Variants in HNRNPF observed in about 807,000 individuals in gnomAD.
The protein encoded by HNRNPF is heterogeneous nuclear ribonucleoprotein F, also known as HnRNP F protein.
In HNRNPF, 2 loss-of-function variants were observed where a neutral mutation model predicts 26.0. That is an observed-to-expected ratio of 0.08 (90% confidence interval 0.03 to 0.24). The LOEUF is 0.24. Ranked by LOEUF, HNRNPF falls within the 10% of genes least tolerant of loss-of-function variation. The pLI, the probability that HNRNPF is intolerant of heterozygous loss-of-function variation, is 1.00. For missense variants in HNRNPF, 299 were observed against 539.2 expected (o/e 0.55, Z 4.41); for synonymous variants, 234 against 211.5 (o/e 1.11, Z -0.92).
chr10:43,389,253 T>A (rs1838151038), intron 3 of HNRNPF, among the ~76,000 whole-genome samples: 1 of 152,196 alleles, frequency 6.6e-6, no homozygotes, highest in Non-Finnish European at 1.5e-5. Context: ...ATTACTGGCG[T>A]GAGCCACCAT....
In HNRNPF at chr10:43,387,632, C is replaced by G; in HGVS notation, c.253G>C (p.Val85Leu). The change falls in exon 4 of 4, where the codon GTG becomes CTG. Residue 85 changes from valine to leucine, a missense_variant. Coordinates refer to ENST00000682386, the MANE Select transcript of HNRNPF (RefSeq NM_001098204.2). The surrounding 1 kb of genome is among the most constrained non-coding windows in gnomAD (Gnocchi z 6.0). Reference protein sequence around the residue: ...RESMGHRYIEVFKSHRTEMDW... With the variant: ...RESMGHRYIELFKSHRTEMDW... ...ATCTCGGTTCTGTGGGACTTGAACA[C>G]CTCAATGTACCGGTGTCCCATGCTT... is the stretch of plus-strand genomic sequence containing the variant. The G allele has an allele frequency of 6.2e-7, 1 of 1,614,180 alleles. No individual in the cohort carries two copies. Among genetic ancestry groups the G allele is most frequent in the African/African-American group, 1.3e-5 (1 of 75,040 alleles).
At chr10:43,390,647 T>C (rs1021292116) in intron 3 of HNRNPF, among the ~76,000 whole-genome samples, 2 of 152,160 alleles carry the variant, frequency 1.3e-5, no homozygotes, top group Non-Finnish European at 2.9e-5. Context: ...TCACAATACA[T>C]GGAATTCATT....
chr10:43,402,252 TG>T (rs1261817316), intron 1 of HNRNPF, among the ~76,000 whole-genome samples: 1 of 152,218 alleles, frequency 6.6e-6, no homozygotes, highest in Non-Finnish European at 1.5e-5. Context: ...ATAAGAGATT[TG>T]GAGGACATAC....
Position 43,386,753 on chromosome 10 carries a change from G to C in HNRNPF, c.1132C>G (p.Gln378Glu). The change falls in exon 4 of 4, where the codon CAA becomes GAA. Residue 378 changes from glutamine (Q) to glutamate (E), a missense_variant. Gln to Glu is a conservative substitution (Grantham distance 29, BLOSUM62 2). This residue lies in a region of HNRNPF where 53 missense variants were observed against 72.4 expected (regional missense o/e 0.73). Coordinates refer to ENST00000682386, the MANE Select transcript of HNRNPF (RefSeq NM_001098204.2). ...SNGAYSSQVM[Q>E]GMGVSAAQAT... ...TGGGCAGCAGACACCCCCATGCCTT[G>C]CATCACCTGGCTGCTATACGCCCCA... 6.2e-7 allele frequency: 1 copy of C among 1,614,164 alleles called. No homozygotes were observed. The highest frequency in any genetic ancestry group is 8.5e-7 in the Non-Finnish European group (1 of 1,180,026).
In HNRNPF at chr10:43,387,301, G is replaced by A; in HGVS notation, c.584C>T (p.Ser195Leu). 1.2e-6 allele frequency: 2 copies of A among 1,614,224 alleles called. No individual in the cohort carries two copies. Among genetic ancestry groups the A allele is most frequent in the Admixed American group, 1.7e-5 (1 of 60,032 alleles). Reference protein sequence around the residue: ...KSSQEEVRSYSDPPLKFMSVQ... With the variant: ...KSSQEEVRSYLDPPLKFMSVQ... ...GGACATGAACTTCAGAGGGGGATCT[G>A]AGTATGACCTAACTTCCTCCTGGCT... Residue 195 changes from serine to leucine, a missense_variant, in exon 4 of 4, where the codon TCA becomes TTA. Physicochemically the swap from Ser to Leu is moderately radical, Grantham distance 145. Around this residue, in one of 6 missense-constraint regions of HNRNPF, gnomAD observed 17 missense variants for 16.1 expected, o/e 1.05. Transcript: ENST00000682386. This position sits in a 1 kb window ranked among gnomAD's most constrained non-coding sequence, Gnocchi z 6.0.
At chr10:43,403,113 C>T (rs915910794) in intron 1 of HNRNPF, among the ~76,000 whole-genome samples, 1 of 152,158 alleles carries the variant, frequency 6.6e-6, no homozygotes, top group African/African-American at 2.4e-5. Flanking sequence ...ACTGCAACCT[C>T]CACCTCCTGA....
chr10:43,402,421 T>C (rs1838781592), intron 1 of HNRNPF, among the ~76,000 whole-genome samples: 1 of 152,224 alleles, frequency 6.6e-6, no homozygotes, highest in African/African-American at 2.4e-5. Flanking sequence ...CATCTGTGTC[T>C]TTTTCTCCTT....
At chr10:43,391,685 C>T (rs868120969) in intron 3 of HNRNPF, among the ~76,000 whole-genome samples, 9 of 152,236 alleles carry the variant, frequency 5.9e-5, no homozygotes, top group Middle Eastern at 3.4e-3. Context: ...TTTGTAAGCA[C>T]GTAGTGGGCC....
chr10:43,397,403 GGA>G (rs1838587934), intron 1 of HNRNPF: 3 of 152,386 alleles, frequency 2.0e-5, no homozygotes, highest in Admixed American at 2.0e-4. Flanking sequence ...AGTGGGGGAA[GGA>G]GAGAGTCAGG....
chr10:43,407,391 G>C (rs1238475168), intron 1 of HNRNPF, among the ~76,000 whole-genome samples: 3 of 152,230 alleles, frequency 2.0e-5, no homozygotes, highest in African/African-American at 2.4e-5. Flanking sequence ...GGCCGAGCTC[G>C]GCTCTCCTTC....
chr10:43,401,312 A>G (rs1838747756), intron 1 of HNRNPF, among the ~76,000 whole-genome samples: 1 of 152,244 alleles, frequency 6.6e-6, no homozygotes, highest in African/African-American at 2.4e-5. Context: ...AAGCTGTGTT[A>G]CTAAAAAGCA....
chr10:43,386,839 C>T lies in HNRNPF; in HGVS notation c.1046G>A (p.Arg349Lys). ...EEAVAAMSKD[R>K]ANMQHRYIEL... The stretch of plus-strand genomic sequence containing the variant: ...TATATATCTGTGCTGCATATTGGCC[C>T]TGTCTTTGGACATAGCTGCCACAGC... The change falls in exon 4 of 4, where the codon AGG becomes AAG. Residue 349 changes from arginine to lysine, a missense_variant. Arg to Lys is a conservative substitution (Grantham distance 26). This residue lies in a region of HNRNPF where 36 missense variants were observed against 93.8 expected (regional missense o/e 0.38). Coordinates refer to ENST00000682386, the MANE Select transcript of HNRNPF (RefSeq NM_001098204.2). 6.2e-7 allele frequency: 1 copy of T among 1,614,218 alleles called. No homozygotes were observed. Among genetic ancestry groups the T allele is most frequent in the Non-Finnish European group, 8.5e-7 (1 of 1,180,046 alleles).
chr10:43,396,729 G>C (rs1400423576), intron 1 of HNRNPF, 139 bp from the exon 2 acceptor site: 2 of 152,088 alleles, frequency 1.3e-5, no homozygotes, highest in Non-Finnish European at 2.9e-5. Context: ...CCTGCTCACG[G>C]CACTCCAGCA....
At chr10:43,402,566 C>T (rs922176943) in intron 1 of HNRNPF, among the ~76,000 whole-genome samples, 1 of 152,208 alleles carries the variant, frequency 6.6e-6, no homozygotes, top group Non-Finnish European at 1.5e-5. Context: ...TGCATGGCAG[C>T]CCTAGCATAC....
rs1215252763 is a variant in HNRNPF, at chr10:43,396,516, G to C, written c.-172C>G. ...AGGCAAGCGCGGCTGGCAGCCAAGA[G>C]CCCCGAAATTCCACCGAAGCTCAAC... On this transcript the variant is annotated 5_prime_UTR_variant, in exon 2 of 4. Transcript: ENST00000682386. 6.6e-6 allele frequency: 1 copy of C among 152,320 alleles called. No homozygotes were observed. Among genetic ancestry groups the C allele is most frequent in the African/African-American group, 2.4e-5 (1 of 41,456 alleles). The allele number at this position is 152,320 out of a possible 1,614,324, so 9.4% of individuals were successfully genotyped here. A position where few individuals can be genotyped will look rare whatever the true frequency, so the allele number is the denominator to read the frequency against.
At chr10:43,408,937 A>G (rs1011984642) in intron 1 of HNRNPF, 194 bp downstream of exon 1, 2 of 152,464 alleles carry the variant, frequency 1.3e-5, no homozygotes, top group African/African-American at 2.4e-5. Context: ...CCCAATCCTC[A>G]GCGCCTGCCC....
chr10:43,391,521 G>A (rs1469435792), intron 3 of HNRNPF, among the ~76,000 whole-genome samples: 1 of 152,028 alleles, frequency 6.6e-6, no homozygotes, highest in African/African-American at 2.4e-5. Flanking sequence ...AGAGTAAGCG[G>A]GCCCTCAATA....
intron 3 of HNRNPF, among the ~76,000 whole-genome samples, chr10:43,389,287 C>G (rs1177209022): frequency 6.6e-6 from 1 of 152,038 alleles, no homozygotes; most frequent in Non-Finnish European, 1.5e-5. Flanking sequence ...TCGAATGTTT[C>G]AAAGTGTCAT....
chr10:43,396,436 C>T lies in HNRNPF; in HGVS notation c.-112+20G>A, dbSNP rs1838520274. On this transcript the variant is annotated intron_variant, in intron 2 of 3. Coordinates refer to ENST00000682386, the MANE Select transcript of HNRNPF (RefSeq NM_001098204.2). ...AAGTCCACCCGGCCGGGCCCGCGGACTTTCATGCTCTAGACTTACCACGGA... is the reference window on the plus strand; with the variant it reads ...AAGTCCACCCGGCCGGGCCCGCGGATTTTCATGCTCTAGACTTACCACGGA... 2.0e-5 allele frequency: 3 copies of T among 152,294 alleles called. No homozygotes were observed. The highest frequency in any genetic ancestry group is 4.4e-5 in the Non-Finnish European group (3 of 68,124). The allele number at this position is 152,294 out of a possible 1,614,324, so 9.4% of individuals were successfully genotyped here.
Sources: gnomAD v4.1 joint callset for allele counts (sites outside exome capture counted in the v4.1 genomes callset) on GRCh38, gnomAD v4.1.1 for gene constraint, gnomAD v4.1.1 regional missense constraint, Gnocchi (gnomAD v3.1) non-coding constraint, MANE v1.5 for transcripts, NCBI Gene and HGNC (gene_info 2026-07-23, HGNC 2026-07-21) for gene names.